MAK: variants seen among roughly 807,000 people sequenced by gnomAD.
MAK encodes serine/threonine-protein kinase MAK.
Under a neutral mutation model 82.6 loss-of-function variants are expected in MAK, and 65 were observed. That is an observed-to-expected ratio of 0.79 (90% CI 0.64 to 0.97). The LOEUF (loss-of-function observed/expected upper bound fraction) is 0.97. Ranked by LOEUF, MAK falls within the 50% of genes least tolerant of loss-of-function variation. MAK has a pLI of 0.00. For synonymous variants in MAK, 250 were observed against 274.2 expected (o/e 0.91, Z 0.87); for missense variants, 703 against 780.2 (o/e 0.90, Z 1.18).
rs1275057032 is a variant in MAK at position 10,793,384 on chromosome 6, C to A, written c.1144-1537G>T. Among the ~76,000 whole-genome samples the A allele has an allele frequency of 1.3e-5, 2 of 152,272 alleles. No individual in the cohort carries two copies. The highest frequency in any genetic ancestry group is 4.8e-5 in the African/African-American group (2 of 41,554). ...CCCAAGATCTCACGGTCGTTCTATT[C>A]ATCATGAAGATTCAGGAGCAAAACA... On this transcript the variant is annotated intron_variant, in intron 9 of 14. Coordinates refer to ENST00000354489, the MANE Select transcript of MAK (RefSeq NM_001242957.3). This position sits in a 1 kb window ranked among gnomAD's most constrained non-coding sequence, Gnocchi z 4.6.
intron 14 of MAK, 112 bp downstream of exon 14, chr6:10,769,999 A>C: frequency 6.3e-7 from 1 of 1,588,914 alleles, no homozygotes; most frequent in Admixed American, 1.7e-5. Flanking sequence ...TGCGTTAATG[A>C]GGTGAGGCTG....
At chr6:10,772,590 G>A (rs955982354) in intron 13 of MAK, among the ~76,000 whole-genome samples, 56 of 151,618 alleles carry the variant, frequency 3.7e-4, no homozygotes, top group African/African-American at 1.3e-3. Flanking sequence ...TGATCTGCCC[G>A]GCTCGGCCTC....
At chr6:10,823,763 C>T (rs1778135980) in intron 2 of MAK, among the ~76,000 whole-genome samples, 1 of 152,160 alleles carries the variant, frequency 6.6e-6, no homozygotes. Flanking sequence ...CTCCTGACCT[C>T]AGGTGATCCA....
intron 4 of MAK, among the ~76,000 whole-genome samples, chr6:10,815,071 A>C (rs1284921363): frequency 1.3e-5 from 2 of 151,990 alleles, no homozygotes; most frequent in Non-Finnish European, 2.9e-5. Context: ...AATATATATG[A>C]GAGCCACTTG....
At chr6:10,791,909 G>T in intron 9 of MAK, 62 bp from the exon 10 acceptor site, 1 of 1,542,516 alleles carries the variant, frequency 6.5e-7, no homozygotes, top group East Asian at 2.2e-5. Flanking sequence ...TCATGCACAA[G>T]CTACTATCTA....
Position 10,770,113 on chromosome 6 carries a change from G to A in MAK, c.1790C>T (p.Ser597Leu). Residue 597 changes from serine (S) to leucine (L), a missense_variant and splice_region_variant, in exon 14 of 15, where the codon TCA (serine) becomes TTA (leucine). Transcript: ENST00000354489. ...IHLAPLNATA[S>L]EYTWNTKTGR... The stretch of plus-strand genomic sequence containing the variant: ...ACTGTATCTGAAGTTGTTCCTACCT[G>A]AAGCCGTTGCATTGAGAGGTGCTAA... 2.5e-6 allele frequency: 4 copies of A among 1,614,176 alleles called. No homozygotes were observed. Among genetic ancestry groups the A allele is most frequent in the South Asian group, 1.1e-5 (1 of 91,084 alleles).
rs77578728 is a variant in MAK, at chr6:10,793,792, C to T, written c.1144-1945G>A. On this transcript the variant is annotated intron_variant, in intron 9 of 14. Transcript: ENST00000354489. This position sits in a 1 kb window ranked among gnomAD's most constrained non-coding sequence, Gnocchi z 4.6. ...ATATTAACTTCCTTTCCTTCCCTCACAATATGAGTCAACAATTGATGCATC... is the reference window on the plus strand; with the variant it reads ...ATATTAACTTCCTTTCCTTCCCTCATAATATGAGTCAACAATTGATGCATC... Among the ~76,000 whole-genome samples, 7 of 152,258 alleles carry T rather than the reference C, an allele frequency of 4.6e-5. No individual in the cohort carries two copies. In the East Asian group the frequency reaches 1.4e-3, roughly 29 times the overall value.
chr6:10,782,202 TCACACACACACACACACACACACACA>T (rs746386493), intron 11 of MAK, among the ~76,000 whole-genome samples: 2,679 of 146,146 alleles, frequency 0.018, 84 homozygotes, highest in African/African-American at 0.062. Context: ...TGAAACTCTG[TCACACACACACACACACACACACACA>T]CACACACACA....
At chr6:10,775,775 G>A (rs563461) in intron 11 of MAK, among the ~76,000 whole-genome samples, 109,108 of 152,008 alleles carry the variant, frequency 0.72, 39,656 homozygotes, top group East Asian at 0.87. Flanking sequence ...TCAACAACAC[G>A]ACGTTTTTTT....
intron 14 of MAK, among the ~76,000 whole-genome samples, chr6:10,765,648 T>C (rs1365521533): frequency 6.6e-6 from 1 of 151,864 alleles, no homozygotes; most frequent in Non-Finnish European, 1.5e-5. Flanking sequence ...TTAGTAGAGA[T>C]GGGGTTTTGC....
intron 11 of MAK, among the ~76,000 whole-genome samples, chr6:10,782,439 A>G (rs1246171649): frequency 6.6e-6 from 1 of 151,874 alleles, no homozygotes; most frequent in Non-Finnish European, 1.5e-5. Context: ...GTTTATATCA[A>G]CTTATTCAAC....
rs140050055 is a variant in MAK, at chr6:10,791,391, C to T, written c.1316+284G>A. ...AAGAAATTCTCATGTCTCAGCTTCC[C>T]GAGTAGCTGGGATTACAGGTGCACA... On this transcript the variant is annotated intron_variant, in intron 10 of 14. Transcript: ENST00000354489. Among the ~76,000 whole-genome samples the T allele has an allele frequency of 3.0e-3, 457 of 152,174 alleles. 1 individual carries two copies. Among genetic ancestry groups the T allele is most frequent in the Non-Finnish European group, 5.4e-3 (369 of 68,004 alleles).
At chr6:10,824,134 C>G (rs973914762) in intron 2 of MAK, among the ~76,000 whole-genome samples, 6 of 152,146 alleles carry the variant, frequency 3.9e-5, no homozygotes, top group Non-Finnish European at 8.8e-5. Context: ...ATCACTGTCT[C>G]ATTCAGACTT....
At chr6:10,819,000 C>T in intron 2 of MAK, 60 bp from the exon 3 acceptor site, 1 of 915,328 alleles carries the variant, frequency 1.1e-6, no homozygotes, top group Non-Finnish European at 1.8e-6. Context: ...ACACACATTA[C>T]ACTGTTGGCT....
At chr6:10,819,829 A>C (rs541368228) in intron 2 of MAK, among the ~76,000 whole-genome samples, 13 of 150,360 alleles carry the variant, frequency 8.6e-5, no homozygotes, top group African/African-American at 1.2e-4. Context: ...AACAGGATTC[A>C]TGGCCGGGCG....
chr6:10,770,166 T>A lies in MAK; in HGVS notation c.1737A>T (p.Glu579Asp). 1 of 1,614,202 alleles carries A rather than the reference T, an allele frequency of 6.2e-7. No homozygotes were observed. The highest frequency in any genetic ancestry group is 8.5e-7 in the Non-Finnish European group (1 of 1,180,028). The change falls in exon 14 of 15, where the codon GAA becomes GAT. Residue 579 changes from glutamate to aspartate, a missense_variant. Physicochemically the swap from Glu to Asp is conservative, Grantham distance 45. Transcript: ENST00000354489. ...GGATCCTCTGGCCAGCTGACTGCAC[T>A]TCTTTTTTGAGAAAGGAAGGAATAT... ...SGYIPSFLKK[E>D]VQSAGQRIHL... is the part of the protein sequence containing the mutation.
At chr6:10,812,162 T>C (rs1056252229) in intron 5 of MAK, among the ~76,000 whole-genome samples, 25 of 152,136 alleles carry the variant, frequency 1.6e-4, no homozygotes, top group Non-Finnish European at 1.9e-4. Flanking sequence ...ATGGCACCAC[T>C]GCACTCCAGC....
At chr6:10,790,467 C>A (rs1774980476) in intron 10 of MAK, among the ~76,000 whole-genome samples, 1 of 151,918 alleles carries the variant, frequency 6.6e-6, no homozygotes, top group South Asian at 2.1e-4. Context: ...CTTAACCCAT[C>A]CTAACTTCAA....
chr6:10,794,785 G>A (rs1431178047), intron 9 of MAK, among the ~76,000 whole-genome samples: 1 of 152,074 alleles, frequency 6.6e-6, no homozygotes, highest in Non-Finnish European at 1.5e-5. Context: ...CTGAGGTCAG[G>A]AGTTCAAGAC....
Sources: allele counts gnomAD v4.1 joint callset (sites outside exome capture counted in the v4.1 genomes callset), GRCh38; gene constraint gnomAD v4.1.1; non-coding constraint Gnocchi (gnomAD v3.1); transcripts MANE v1.5; gene names NCBI Gene and HGNC (gene_info 2026-07-23, HGNC 2026-07-21).